GRIN2A: variants seen among roughly 807,000 people sequenced by gnomAD.
GRIN2A encodes the protein glutamate ionotropic receptor NMDA type subunit 2A, also known as glutamate receptor ionotropic, NMDA 2A.
Under a neutral mutation model 113.4 loss-of-function variants are expected in GRIN2A, and 22 were observed. That is an observed-to-expected ratio of 0.19 (90% CI 0.14 to 0.28). The LOEUF is 0.28. Ranked by LOEUF, GRIN2A falls within the 10% of genes least tolerant of loss-of-function variation. The pLI is 1.00. For missense variants in GRIN2A, 1,502 were observed against 1,887.0 expected (o/e 0.80, Z 3.78); for synonymous variants, 827 against 738.4 (o/e 1.12, Z -1.94).
chr16:9,804,607 G>T (rs1278559490), intron 10 of GRIN2A, among the ~76,000 whole-genome samples: 3 of 151,902 alleles, frequency 2.0e-5, no homozygotes, highest in Admixed American at 6.6e-5. Flanking sequence ...GACACACTGG[G>T]GTCCATGCCA....
rs2044763972 is a variant in GRIN2A at position 9,938,281 on chromosome 16, G to A, written c.685C>T (p.Leu229Phe). 6.2e-7 allele frequency: 1 copy of A among 1,613,928 alleles called. No individual in the cohort carries two copies. ...ACAGCCTCGTCTTTGGAACAGTAGA[G>A]CAAGATGACAGAAGAGTGGATCTTC... is the stretch of plus-strand genomic sequence containing the variant. ...LKKIHSSVIL[L>F]YCSKDEAVLI... Residue 229 changes from leucine (L) to phenylalanine (F), a missense_variant, in exon 3 of 13, where the codon CTC becomes TTC. By Grantham distance (22) the Leu-to-Phe change is conservative. Transcript: ENST00000330684.
chr16:9,796,617 C>T (rs925053540), intron 11 of GRIN2A, among the ~76,000 whole-genome samples: 4 of 152,334 alleles, frequency 2.6e-5, no homozygotes, highest in African/African-American at 9.6e-5. Context: ...TGCAGCTAGG[C>T]GTTCCTTTCT....
At chr16:9,901,381 T>C (rs574148068) in intron 3 of GRIN2A, among the ~76,000 whole-genome samples, 5 of 152,320 alleles carry the variant, frequency 3.3e-5, no homozygotes, top group Admixed American at 2.6e-4. Context: ...GATATGCCAA[T>C]GGGACTCTAA....
Position 9,763,506 on chromosome 16 carries a change from T to A in GRIN2A, c.4038A>T (p.Gln1346His), listed in dbSNP as rs765156643. The stretch of plus-strand genomic sequence containing the variant: ...TGCTCCTCTTGCTGTCCTCCAGACC[T>A]TGGGGGAAAAGGGAGCTTTTTTTCC... ...LSGKKSSLFPQGLEDSKRSKS... is the reference protein window; with the variant it reads ...LSGKKSSLFPHGLEDSKRSKS... Residue 1346 changes from glutamine to histidine, a missense_variant, in exon 13 of 13, where the codon CAA becomes CAT. Gln to His is a conservative substitution (Grantham distance 24). Around this residue, in one of 7 missense-constraint regions of GRIN2A, gnomAD observed 832 missense variants for 789.7 expected, o/e 1.05. Transcript: ENST00000330684. The A allele has an allele frequency of 6.2e-7, 1 of 1,614,102 alleles. No homozygotes were observed. The highest frequency in any genetic ancestry group is 2.2e-5 in the East Asian group (1 of 44,860).
chr16:9,784,982 C>T (rs561334422), intron 11 of GRIN2A, among the ~76,000 whole-genome samples: 2 of 152,324 alleles, frequency 1.3e-5, no homozygotes, highest in South Asian at 4.1e-4. Flanking sequence ...AACACTTACA[C>T]TGTTGGTGGG....
intron 2 of GRIN2A, chr16:10,111,414 C>G: frequency 3.8e-6 from 2 of 527,990 alleles, no homozygotes; most frequent in South Asian, 3.8e-5. Context: ...GCGGCACCGG[C>G]TACGTGCCCC....
In GRIN2A at chr16:9,918,925, C is replaced by G. The variant is rs567661118; in HGVS notation, c.1007+19034G>C. On this transcript the variant is annotated intron_variant, in intron 3 of 12. Coordinates refer to ENST00000330684, the MANE Select transcript of GRIN2A (RefSeq NM_001134407.3). ...CGGTGGCTCATGCCTGTAATCCCAGCGTTTTGGGAAGCCAAAACGGGCAGA... is the reference window on the plus strand; with the variant it reads ...CGGTGGCTCATGCCTGTAATCCCAGGGTTTTGGGAAGCCAAAACGGGCAGA... Among the ~76,000 whole-genome samples, 11 of 152,064 alleles carry G rather than the reference C, an allele frequency of 7.2e-5. No homozygotes were observed. The East Asian group carries it at 2.1e-3, about 29-fold the overall frequency.
chr16:10,128,586 C>A (rs576016960), intron 2 of GRIN2A, among the ~76,000 whole-genome samples: 1 of 152,312 alleles, frequency 6.6e-6, no homozygotes, highest in African/African-American at 2.4e-5. Flanking sequence ...TAGAGGTGGG[C>A]AGCACCCTCC....
chr16:10,160,628 G>A (rs373881216), intron 2 of GRIN2A, among the ~76,000 whole-genome samples: 6 of 152,308 alleles, frequency 3.9e-5, no homozygotes, highest in African/African-American at 7.2e-5. Context: ...CACATTCAGC[G>A]GAGCCAGAGA....
At chr16:9,840,518 C>T in intron 7 of GRIN2A, 129 bp downstream of exon 7, 1 of 864,292 alleles carries the variant, frequency 1.2e-6, no homozygotes, top group Non-Finnish European at 1.9e-6. Context: ...TCAAATGCAG[C>T]ATCCTCTGAA....
intron 3 of GRIN2A, among the ~76,000 whole-genome samples, chr16:9,923,695 G>C (rs1005558146): frequency 3.9e-5 from 6 of 151,970 alleles, no homozygotes; most frequent in East Asian, 1.9e-4. Flanking sequence ...CCTTCAAATA[G>C]TATACTTTGA....
intron 10 of GRIN2A, among the ~76,000 whole-genome samples, chr16:9,804,422 T>A (rs907645072): frequency 6.6e-6 from 1 of 151,990 alleles, no homozygotes; most frequent in East Asian, 1.9e-4. Flanking sequence ...CATTTACTCT[T>A]CTCTGCTTGG....
intron 2 of GRIN2A, among the ~76,000 whole-genome samples, chr16:10,079,849 G>A (rs540514341): frequency 2.6e-5 from 4 of 152,350 alleles, no homozygotes; most frequent in Admixed American, 2.6e-4. Flanking sequence ...AAAGAAGGTT[G>A]CTATGATAAC....
At chr16:10,179,877 C>T (rs780833226) in intron 2 of GRIN2A, 121 bp downstream of exon 2, 26 of 644,012 alleles carry the variant, frequency 4.0e-5, no homozygotes, top group Non-Finnish European at 6.5e-5. Flanking sequence ...GGCCACGACC[C>T]TCCCACCCCC....
chr16:10,179,735 A>C, intron 2 of GRIN2A: 1 of 529,170 alleles, frequency 1.9e-6, no homozygotes. Context: ...CCTACTTCTC[A>C]GTTTTCTGAG....
intron 3 of GRIN2A, 125 bp downstream of exon 3, chr16:9,937,834 C>CGTAG: frequency 1.4e-6 from 1 of 720,660 alleles, no homozygotes. Flanking sequence ...ATAAAAGTCC[C>CGTAG]GTAAGTAAAC....
chr16:10,087,663 G>A (rs1596491781), intron 2 of GRIN2A, among the ~76,000 whole-genome samples: 1 of 152,114 alleles, frequency 6.6e-6, no homozygotes, highest in African/African-American at 2.4e-5. Flanking sequence ...GAGACTTAAT[G>A]CATATCTGGC....
At chr16:9,960,861 A>C (rs1271582822) in intron 2 of GRIN2A, among the ~76,000 whole-genome samples, 1 of 152,184 alleles carries the variant, frequency 6.6e-6, no homozygotes, top group Non-Finnish European at 1.5e-5. Context: ...CCTGGACTAA[A>C]GTGATCCTCC....
intron 2 of GRIN2A, among the ~76,000 whole-genome samples, chr16:9,989,971 T>C (rs2046068884): frequency 6.6e-6 from 1 of 152,336 alleles, no homozygotes; most frequent in South Asian, 2.1e-4. Context: ...GAAAGTAGTT[T>C]GGAGATTTCT....
Sources: allele counts gnomAD v4.1 joint callset (sites outside exome capture counted in the v4.1 genomes callset), GRCh38; gene constraint gnomAD v4.1.1; regional missense constraint gnomAD v4.1.1; transcripts MANE v1.5; gene names NCBI Gene and HGNC (gene_info 2026-07-23, HGNC 2026-07-21).